ALDH1A2: variants seen among roughly 807,000 people sequenced by gnomAD.
ALDH1A2 encodes retinal dehydrogenase 2.
ALDH1A2 carries 27 observed loss-of-function variants against 60.3 expected under a neutral mutation model. The ratio of observed to expected loss-of-function variants is 0.45; its 90% CI spans 0.33 to 0.62. The LOEUF (loss-of-function observed/expected upper bound fraction) is 0.62. Among genes scored for constraint, ALDH1A2 ranks in the 20% least tolerant of loss-of-function variants. The pLI is 0.02. For synonymous variants in ALDH1A2, 289 were observed against 232.4 expected (o/e 1.24, Z -2.21); for missense variants, 581 against 643.8 (o/e 0.90, Z 1.06).
chr15:58,033,960 T>G (rs1896312340), intron 1 of ALDH1A2, among the ~76,000 whole-genome samples: 1 of 151,656 alleles, frequency 6.6e-6, no homozygotes, highest in South Asian at 2.1e-4. Context: ...AATATTGTGT[T>G]GGCTATTCTA....
At chr15:57,981,536 A>G (rs1489714719) in intron 7 of ALDH1A2, among the ~76,000 whole-genome samples, 1 of 152,212 alleles carries the variant, frequency 6.6e-6, no homozygotes, top group African/African-American at 2.4e-5. Flanking sequence ...ACTTTCAAAT[A>G]CATTATTTCA....
rs563566648 is a variant in ALDH1A2, at chr15:58,022,840, T to C, written c.118-8559A>G. Among the ~76,000 whole-genome samples, 20 of 152,044 alleles carry C rather than the reference T, an allele frequency of 1.3e-4. 1 individual carries two copies. The South Asian group carries it at 3.1e-3, about 24-fold the overall frequency. Reference sequence around the variant, plus strand: ...AATGCCCCATCCAACCAACACCATATATACACCTTCAGGAAAAATTCCTCC... The same window carrying C: ...AATGCCCCATCCAACCAACACCATACATACACCTTCAGGAAAAATTCCTCC... On this transcript the variant is annotated intron_variant, in intron 1 of 12. Coordinates refer to ENST00000249750, the MANE Select transcript of ALDH1A2 (RefSeq NM_003888.4).
intron 1 of ALDH1A2, among the ~76,000 whole-genome samples, chr15:58,043,641 G>GACATC: frequency 6.6e-6 from 1 of 152,026 alleles, no homozygotes; most frequent in African/African-American, 2.4e-5. Flanking sequence ...GAAACGGTGA[G>GACATC]ATTCAGGTGG....
chr15:58,038,682 T>C (rs1896437316), intron 1 of ALDH1A2: 1 of 151,764 alleles, frequency 6.6e-6, no homozygotes, highest in African/African-American at 2.4e-5. Flanking sequence ...CCAATGTCAG[T>C]TGTGACACAG....
intron 4 of ALDH1A2, among the ~76,000 whole-genome samples, chr15:58,000,790 G>A (rs1595656547): frequency 1.3e-5 from 2 of 151,946 alleles, no homozygotes; most frequent in East Asian, 3.9e-4. Flanking sequence ...TGGGACCAGA[G>A]AGTCTGCATT....
intron 1 of ALDH1A2, among the ~76,000 whole-genome samples, chr15:58,020,081 T>TG (rs1428761184): frequency 6.6e-6 from 1 of 152,064 alleles, no homozygotes; most frequent in Non-Finnish European, 1.5e-5. Flanking sequence ...ATGTGGTGTT[T>TG]GGTTTTCTGT....
At chr15:58,049,728 T>G (rs1595690707) in intron 1 of ALDH1A2, among the ~76,000 whole-genome samples, 1 of 152,020 alleles carries the variant, frequency 6.6e-6, no homozygotes. Context: ...TGCAGGCTGG[T>G]TCAAACATGG....
intron 1 of ALDH1A2, among the ~76,000 whole-genome samples, chr15:58,024,007 C>G (rs1031320065): frequency 6.6e-6 from 1 of 152,122 alleles, no homozygotes; most frequent in Non-Finnish European, 1.5e-5. Flanking sequence ...GCAGGAGAAT[C>G]GCTTGAACCT....
intron 1 of ALDH1A2, 110 bp downstream of exon 1, chr15:58,065,424 C>T (rs947770412): frequency 1.1e-5 from 11 of 963,676 alleles, no homozygotes; most frequent in Non-Finnish European, 1.7e-5. Context: ...ACAGGCTGGC[C>T]CCGACGACCC....
intron 1 of ALDH1A2, among the ~76,000 whole-genome samples, chr15:58,023,959 G>A (rs1896002545): frequency 6.6e-6 from 1 of 152,138 alleles, no homozygotes; most frequent in South Asian, 2.1e-4. Flanking sequence ...CAGGCGTGGT[G>A]GCACATGCCT....
chr15:57,983,817 C>T (rs1032620063), intron 7 of ALDH1A2, among the ~76,000 whole-genome samples: 1 of 152,106 alleles, frequency 6.6e-6, no homozygotes, highest in African/African-American at 2.4e-5. Context: ...TCTCCAAGAT[C>T]TATAAGTGCT....
At chr15:58,014,130 T>C (rs1895720284) in intron 2 of ALDH1A2, 47 bp downstream of exon 2, 2 of 1,614,118 alleles carry the variant, frequency 1.2e-6, no homozygotes, top group Non-Finnish European at 1.7e-6. Flanking sequence ...CTCTGCTGTT[T>C]GAAGGCAGTT....
intron 1 of ALDH1A2, among the ~76,000 whole-genome samples, chr15:58,064,838 C>T (rs570716143): frequency 1.3e-5 from 2 of 151,316 alleles, no homozygotes; most frequent in Non-Finnish European, 2.9e-5. Context: ...TTAGCAAACC[C>T]AAGATGTCAA....
At chr15:58,029,651 G>A (rs1468053890) in intron 1 of ALDH1A2, among the ~76,000 whole-genome samples, 7 of 150,716 alleles carry the variant, frequency 4.6e-5, no homozygotes, top group African/African-American at 1.2e-4. Flanking sequence ...CAGATATACT[G>A]CTAGCAAGAC....
At chr15:58,000,989 T>C (rs1248806931) in intron 4 of ALDH1A2, among the ~76,000 whole-genome samples, 4 of 146,248 alleles carry the variant, frequency 2.7e-5, no homozygotes, top group African/African-American at 1.0e-4. Flanking sequence ...AAGGAGTATA[T>C]AGTGTAGGAG....
rs1203964990 is a variant in ALDH1A2, at chr15:57,965,847, G to C, written c.799-20C>G. ...TCCAACCTGAAAGAAGGGAAATGGA[G>C]ACAGGTTTTGCAAATCCTGCAGGTG... On this transcript the variant is annotated intron_variant, in intron 7 of 12. Coordinates refer to ENST00000249750, the MANE Select transcript of ALDH1A2 (RefSeq NM_003888.4). 6.2e-7 allele frequency: 1 copy of C among 1,604,802 alleles called. No homozygotes were observed. The highest frequency in any genetic ancestry group is 1.7e-5 in the Admixed American group (1 of 60,018).
intron 1 of ALDH1A2, among the ~76,000 whole-genome samples, chr15:58,031,091 A>G (rs1197466266): frequency 6.6e-6 from 1 of 152,188 alleles, no homozygotes; most frequent in African/African-American, 2.4e-5. Flanking sequence ...CAAAAAGAAC[A>G]AAGCTAGAGG....
chr15:58,053,638 T>A (rs1285627007), intron 1 of ALDH1A2, among the ~76,000 whole-genome samples: 1 of 152,166 alleles, frequency 6.6e-6, no homozygotes, highest in African/African-American at 2.4e-5. Context: ...AAAATCACTG[T>A]TTTGTGTACT....
intron 1 of ALDH1A2, chr15:58,065,190 T>G: frequency 3.1e-6 from 1 of 322,080 alleles, no homozygotes; most frequent in Non-Finnish European, 6.0e-6. Context: ...CCGGCCTCCA[T>G]CTGAGGATAC....
Sources: gnomAD v4.1 joint callset for allele counts (sites outside exome capture counted in the v4.1 genomes callset) on GRCh38, gnomAD v4.1.1 for gene constraint, MANE v1.5 for transcripts, NCBI Gene and HGNC (gene_info 2026-07-23, HGNC 2026-07-21) for gene names.